The following ATF6 variants were observed in gnomAD, a reference collection of about 807,000 sequenced individuals.
The protein encoded by ATF6 is activating transcription factor 6.
In ATF6, 53 loss-of-function variants were observed where a neutral mutation model predicts 83.6. The observed-to-expected ratio is 0.63, with a 90% CI of 0.51 to 0.80. ATF6 has a LOEUF of 0.80. ATF6 is among the 30% of genes least tolerant of loss of function. The pLI, the probability that ATF6 is intolerant of heterozygous loss-of-function variation, is 0.00. For missense variants in ATF6, 744 were observed against 797.9 expected (o/e 0.93, Z 0.81); for synonymous variants, 288 against 285.8 (o/e 1.01, Z -0.08).
At position 161,812,289 on chromosome 1, in the gene ATF6, T is replaced by TTGTG. The variant is rs10607216; in HGVS notation, c.910-7322_910-7319dup. Among the ~76,000 whole-genome samples the TTGTG allele has an allele frequency of 8.3e-5, 12 of 145,386 alleles. 1 individual carries two copies. The highest frequency in any genetic ancestry group is 4.9e-4 in the Admixed American group (7 of 14,372). On this transcript the variant is annotated intron_variant, in intron 7 of 15. Coordinates refer to ENST00000367942, the MANE Select transcript of ATF6 (RefSeq NM_007348.4). ...TAGTGATTAAATAACATTTCATGCT[T>TTGTG]TGTGTGTGTGTGTGTGTGTGTGTGT...
intron 1 of ATF6, among the ~76,000 whole-genome samples, chr1:161,772,473 G>A (rs1471045927): frequency 1.3e-5 from 2 of 152,156 alleles, no homozygotes; most frequent in Admixed American, 1.3e-4. Flanking sequence ...TGAATCAGAA[G>A]AGAACTTCTA....
intron 2 of ATF6, among the ~76,000 whole-genome samples, chr1:161,779,516 G>A (rs1388738952): frequency 2.6e-5 from 4 of 152,158 alleles, no homozygotes; most frequent in Non-Finnish European, 4.4e-5. Flanking sequence ...ATAAGTGCCA[G>A]TATGTTTCAT....
chr1:161,830,307 C>CA (rs1462442073), intron 9 of ATF6, among the ~76,000 whole-genome samples: 33 of 152,300 alleles, frequency 2.2e-4, no homozygotes, highest in Non-Finnish European at 4.1e-4. Flanking sequence ...AGGACACAAA[C>CA]AAATGGAAGA....
At chr1:161,789,252 CTTTTTTTTTTTTTT>C (rs71755584) in intron 4 of ATF6, among the ~76,000 whole-genome samples, 1 of 101,380 alleles carries the variant, frequency 9.9e-6, no homozygotes, top group Non-Finnish European at 1.8e-5. Flanking sequence ...ATTCCTTCTC[CTTTTTTTTTTTTTT>C]TTTTTTTTTT....
chr1:161,853,504 C>G (rs1206513435), intron 12 of ATF6, among the ~76,000 whole-genome samples, 181 bp downstream of exon 12: 4 of 152,154 alleles, frequency 2.6e-5, no homozygotes, highest in African/African-American at 9.7e-5. Context: ...TTTTATAGCA[C>G]TAGTTTAGGT....
At chr1:161,882,281 G>C (rs964208547) in intron 14 of ATF6, among the ~76,000 whole-genome samples, 8 of 152,170 alleles carry the variant, frequency 5.3e-5, no homozygotes, top group African/African-American at 1.9e-4. Context: ...AAGTGTAATG[G>C]GTAGCAGAAG....
At chr1:161,797,502 A>G (rs540204736) in intron 6 of ATF6, among the ~76,000 whole-genome samples, 1 of 152,356 alleles carries the variant, frequency 6.6e-6, no homozygotes, top group Non-Finnish European at 1.5e-5. Flanking sequence ...TACAAAAGTC[A>G]GCAGCATTTC....
intron 15 of ATF6, among the ~76,000 whole-genome samples, chr1:161,915,823 A>T (rs141091268): frequency 3.3e-5 from 5 of 151,600 alleles, no homozygotes; most frequent in African/African-American, 1.2e-4. Context: ...GAGTCTCCCT[A>T]TGTTGCCCAG....
chr1:161,823,424 A>G (rs1685811566), intron 9 of ATF6, among the ~76,000 whole-genome samples: 1 of 152,120 alleles, frequency 6.6e-6, no homozygotes, highest in Non-Finnish European at 1.5e-5. Flanking sequence ...GCATATTGAA[A>G]TTTCCTTTTG....
At chr1:161,870,622 T>A (rs1687101848) in intron 14 of ATF6, among the ~76,000 whole-genome samples, 1 of 151,842 alleles carries the variant, frequency 6.6e-6, no homozygotes, top group Non-Finnish European at 1.5e-5. Context: ...TGTGAGTTAC[T>A]GTTGTGTGGT....
intron 13 of ATF6, among the ~76,000 whole-genome samples, chr1:161,862,885 A>G (rs942186349): frequency 1.3e-5 from 2 of 152,156 alleles, no homozygotes; most frequent in Non-Finnish European, 2.9e-5. Context: ...AAATCGTTCA[A>G]ACCTATGCAG....
chr1:161,944,585 A>G (rs557425257), intron 15 of ATF6, among the ~76,000 whole-genome samples: 1 of 152,100 alleles, frequency 6.6e-6, no homozygotes, highest in Non-Finnish European at 1.5e-5. Context: ...TCTTTCCCCT[A>G]CATTTGTGCA....
At chr1:161,931,296 A>G (rs1688427914) in intron 15 of ATF6, among the ~76,000 whole-genome samples, 1 of 152,226 alleles carries the variant, frequency 6.6e-6, no homozygotes, top group Non-Finnish European at 1.5e-5. Flanking sequence ...TAATTAACAT[A>G]ATCTGATATT....
chr1:161,934,090 A>G (rs1386513437), intron 15 of ATF6, among the ~76,000 whole-genome samples: 2 of 152,354 alleles, frequency 1.3e-5, no homozygotes, highest in Non-Finnish European at 2.9e-5. Flanking sequence ...TTAGACATGG[A>G]TGAGTGGGGG....
At chr1:161,930,436 C>T (rs1688408407) in intron 15 of ATF6, among the ~76,000 whole-genome samples, 1 of 152,140 alleles carries the variant, frequency 6.6e-6, no homozygotes. Flanking sequence ...TATATTTTAA[C>T]ATTTGAGTAT....
intron 15 of ATF6, among the ~76,000 whole-genome samples, chr1:161,925,026 C>T (rs916833054): frequency 6.6e-6 from 1 of 152,192 alleles, no homozygotes; most frequent in Non-Finnish European, 1.5e-5. Flanking sequence ...TTTTCTGTCT[C>T]TTAAATCCAC....
intron 14 of ATF6, among the ~76,000 whole-genome samples, chr1:161,885,222 C>T (rs746786221): frequency 2.6e-5 from 4 of 151,954 alleles, no homozygotes; most frequent in Non-Finnish European, 5.9e-5. Context: ...GTATTTTTGC[C>T]AAATAAAACA....
Position 161,819,792 on chromosome 1 carries a change from C to T in ATF6, c.1069C>T (p.Arg357Trp), listed in dbSNP as rs145066726. The change falls in exon 8 of 16, where the codon CGG becomes TGG. Residue 357 changes from arginine (R) to tryptophan (W), a missense_variant. Transcript: ENST00000367942. ...GAAGAAAGAAAATGGAACACTGAAG[C>T]GGCAGCTGGATGAAGTTGTGTCAGA... ...QLKKENGTLKRQLDEVVSENQ... is the reference protein window; with the variant it reads ...QLKKENGTLKWQLDEVVSENQ... 6.2e-6 allele frequency: 10 copies of T among 1,608,586 alleles called. No homozygotes were observed. Among genetic ancestry groups the T allele is most frequent in the Non-Finnish European group, 8.5e-6 (10 of 1,177,630 alleles).
At chr1:161,842,497 CTG>C (rs1275994951) in intron 9 of ATF6, among the ~76,000 whole-genome samples, 5 of 147,552 alleles carry the variant, frequency 3.4e-5, no homozygotes, top group African/African-American at 1.3e-4. Flanking sequence ...GATAAAGAAA[CTG>C]TGGTATATAT....
Sources: gnomAD v4.1 joint callset for allele counts (sites outside exome capture counted in the v4.1 genomes callset) on GRCh38, gnomAD v4.1.1 for gene constraint, MANE v1.5 for transcripts, NCBI Gene and HGNC (gene_info 2026-07-23, HGNC 2026-07-21) for gene names.